NPNT: variants seen among roughly 807,000 people sequenced by gnomAD.
The protein encoded by NPNT is nephronectin, also known as preosteoblast EGF-like repeat protein with MAM domain.
A neutral mutation model predicts 68.6 loss-of-function variants in NPNT; 45 were observed. That is an observed-to-expected ratio of 0.66 (90% confidence interval 0.52 to 0.84). The LOEUF is 0.84. Among genes scored for constraint, NPNT ranks in the 40% least tolerant of loss-of-function variants. NPNT has a pLI of 0.00. For missense variants in NPNT, 672 were observed against 714.8 expected (o/e 0.94, Z 0.68); for synonymous variants, 233 against 253.3 (o/e 0.92, Z 0.76).
chr4:105,956,974 T>G (rs1050377311), intron 8 of NPNT, among the ~76,000 whole-genome samples: 2 of 152,212 alleles, frequency 1.3e-5, no homozygotes, highest in African/African-American at 4.8e-5. Flanking sequence ...CTGGGATTAT[T>G]ACTTAATTTT....
At chr4:105,918,104 T>C (rs1230594626) in intron 2 of NPNT, among the ~76,000 whole-genome samples, 1 of 152,210 alleles carries the variant, frequency 6.6e-6, no homozygotes, top group Non-Finnish European at 1.5e-5. Context: ...TTAAGTTGTT[T>C]TCAAATTTCT....
chr4:105,899,574 C>T (rs1381384759), intron 2 of NPNT, among the ~76,000 whole-genome samples: 3 of 152,312 alleles, frequency 2.0e-5, no homozygotes, highest in African/African-American at 7.2e-5. Flanking sequence ...ATTGACCCCC[C>T]GTGCAAAGGG....
intron 8 of NPNT, among the ~76,000 whole-genome samples, chr4:105,949,867 TG>T (rs1730682341): frequency 6.6e-6 from 1 of 152,216 alleles, no homozygotes; most frequent in Non-Finnish European, 1.5e-5. Context: ...TGTAAAAGTC[TG>T]AAAGAAAAAA....
At chr4:105,918,290 G>A (rs957995576) in intron 2 of NPNT, among the ~76,000 whole-genome samples, 2 of 152,118 alleles carry the variant, frequency 1.3e-5, no homozygotes, top group African/African-American at 4.8e-5. Context: ...TTCAACTCAT[G>A]TATCAGTGAC....
chr4:105,950,764 C>A (rs1730764748), intron 8 of NPNT, among the ~76,000 whole-genome samples: 1 of 152,032 alleles, frequency 6.6e-6, no homozygotes, highest in Non-Finnish European at 1.5e-5. Flanking sequence ...CAGGAAGAGC[C>A]CCCTCCTTTC....
At chr4:105,919,771 G>T (rs1728101116) in intron 2 of NPNT, among the ~76,000 whole-genome samples, 1 of 150,954 alleles carries the variant, frequency 6.6e-6, no homozygotes, top group Non-Finnish European at 1.5e-5. Flanking sequence ...ACATATGTTG[G>T]TTTGTCCTAC....
chr4:105,939,238 A>C (rs1388610084), intron 5 of NPNT, among the ~76,000 whole-genome samples: 2 of 152,230 alleles, frequency 1.3e-5, no homozygotes, highest in African/African-American at 4.8e-5. Context: ...GTACTGAGAG[A>C]AAAACAGAAT....
At chr4:105,939,189 C>G (rs1242328340) in intron 5 of NPNT, among the ~76,000 whole-genome samples, 1 of 152,160 alleles carries the variant, frequency 6.6e-6, no homozygotes, top group African/African-American at 2.4e-5. Flanking sequence ...GAAACAAATA[C>G]CCCATAAAAT....
At chr4:105,952,589 G>A (rs1730919881) in intron 8 of NPNT, among the ~76,000 whole-genome samples, 1 of 152,122 alleles carries the variant, frequency 6.6e-6, no homozygotes, top group African/African-American at 2.4e-5. Context: ...AGTTTCCCCA[G>A]AAAATCTGAT....
intron 3 of NPNT, 22 bp downstream of exon 3, chr4:105,927,450 A>T (rs752298828): frequency 6.6e-5 from 95 of 1,450,062 alleles, no homozygotes; most frequent in Non-Finnish European, 8.5e-5. Flanking sequence ...GTCTGACATA[A>T]ATACACAATC....
Position 105,927,417 on chromosome 4 carries a change from C to T in NPNT, c.254C>T (p.Thr85Ile), listed in dbSNP as rs1006316084. 7.5e-6 allele frequency: 12 copies of T among 1,606,370 alleles called. No homozygotes were observed. In the Admixed American group the frequency reaches 1.3e-4, roughly 18 times the overall value. Residue 85 changes from threonine (T) to isoleucine (I), a missense_variant, in exon 3 of 12, where the codon ACC becomes ATC. By Grantham distance (89) the Thr-to-Ile change is moderately conservative. Coordinates refer to ENST00000379987, the MANE Select transcript of NPNT (RefSeq NM_001033047.3). ...TGTCATCCTGGTTATGCTGGAAAAA[C>T]CTGTAATCAAGGTAGGAAAACAGTC... is the stretch of plus-strand genomic sequence containing the variant. ...CKCHPGYAGKTCNQDLNECGL... is the reference protein window; with the variant it reads ...CKCHPGYAGKICNQDLNECGL...
intron 2 of NPNT, among the ~76,000 whole-genome samples, chr4:105,913,033 A>G (rs1160817029): frequency 6.6e-6 from 1 of 152,044 alleles, no homozygotes; most frequent in Non-Finnish European, 1.5e-5. Context: ...ATGCCCGGCT[A>G]ATTTTTTATT....
At chr4:105,934,433 G>C (rs1729358591) in intron 3 of NPNT, among the ~76,000 whole-genome samples, 11 of 152,108 alleles carry the variant, frequency 7.2e-5, no homozygotes, top group Admixed American at 7.2e-4. Flanking sequence ...TCTGATATTT[G>C]GCAAATTTTG....
intron 5 of NPNT, among the ~76,000 whole-genome samples, chr4:105,938,695 C>T (rs1003235722): frequency 6.6e-6 from 1 of 152,134 alleles, no homozygotes; most frequent in African/African-American, 2.4e-5. Flanking sequence ...TTTAGGGAAA[C>T]GAGAAGAGCT....
intron 10 of NPNT, among the ~76,000 whole-genome samples, chr4:105,966,261 G>C (rs1424329618): frequency 6.6e-6 from 1 of 152,176 alleles, no homozygotes; most frequent in Non-Finnish European, 1.5e-5. Context: ...CATGGATCAA[G>C]TTTCAAAATA....
chr4:105,910,469 A>G (rs1727269902), intron 2 of NPNT, among the ~76,000 whole-genome samples: 1 of 151,812 alleles, frequency 6.6e-6, no homozygotes, highest in Non-Finnish European at 1.5e-5. Flanking sequence ...AATGAATCCT[A>G]TTTTAGTGAA....
intron 2 of NPNT, among the ~76,000 whole-genome samples, chr4:105,924,414 C>A (rs955179570): frequency 1.3e-5 from 2 of 152,014 alleles, no homozygotes; most frequent in African/African-American, 4.8e-5. Flanking sequence ...TTTTCTTTTT[C>A]TAAGAAGAAA....
intron 5 of NPNT, among the ~76,000 whole-genome samples, chr4:105,939,419 G>A (rs536521114): frequency 4.6e-5 from 7 of 152,292 alleles, no homozygotes; most frequent in African/African-American, 1.7e-4. Flanking sequence ...GAGGGGTGGT[G>A]GCTGGAGATA....
At chr4:105,935,393 T>G (rs556510885) in intron 3 of NPNT, among the ~76,000 whole-genome samples, 1 of 152,314 alleles carries the variant, frequency 6.6e-6, no homozygotes, top group South Asian at 2.1e-4. Flanking sequence ...TAACTCCTCT[T>G]AGAAGATGAG....
Sources: gnomAD v4.1 joint callset for allele counts (sites outside exome capture counted in the v4.1 genomes callset) on GRCh38, gnomAD v4.1.1 for gene constraint, MANE v1.5 for transcripts, NCBI Gene and HGNC (gene_info 2026-07-23, HGNC 2026-07-21) for gene names.